Variants in KSR1 observed in about 807,000 individuals in gnomAD.
The protein encoded by KSR1 is kinase suppressor of ras.
In KSR1, 35 loss-of-function variants were observed where a neutral mutation model predicts 92.9. The ratio of observed to expected loss-of-function variants is 0.38; its 90% CI spans 0.29 to 0.50. The LOEUF is 0.50. KSR1 is among the 20% of genes least tolerant of loss of function. KSR1 has a pLI of 0.94. For missense variants in KSR1, 972 were observed against 1,158.5 expected (o/e 0.84, Z 2.34); for synonymous variants, 467 against 472.6 (o/e 0.99, Z 0.15).
Position 27,597,314 on chromosome 17 carries a change from C to A in KSR1, c.1346C>A (p.Ser449Tyr), listed in dbSNP as rs761636252. ...MNHLDSSSNP[S>Y]STTSSTPSSP... ...CACCTGGACTCCAGCAGCAACCCTT[C>A]CTCCACCACCTCCTCCACACCCTCC... Residue 449 changes from serine to tyrosine, a missense_variant, in exon 10 of 21, where the codon TCC becomes TAC. Ser to Tyr is a moderately radical substitution (Grantham distance 144, BLOSUM62 -2). Coordinates refer to ENST00000644974, the MANE Select transcript of KSR1 (RefSeq NM_001394583.1). The A allele has an allele frequency of 6.2e-7, 1 of 1,608,306 alleles. No individual in the cohort carries two copies. Among genetic ancestry groups the A allele is most frequent in the Non-Finnish European group, 8.5e-7 (1 of 1,177,454 alleles).
In KSR1 at chr17:27,609,221, G is replaced by T; in HGVS notation, c.2117G>T (p.Gly706Val). Residue 706 changes from glycine (G) to valine (V), a missense_variant, in exon 16 of 21, where the codon GGC becomes GTC. Around this residue, in one of 5 missense-constraint regions of KSR1, gnomAD observed 260 missense variants for 375.2 expected, o/e 0.69. Coordinates refer to ENST00000644974, the MANE Select transcript of KSR1 (RefSeq NM_001394583.1). ...IKGMGYLHAK[G>V]IVHKDLKSKN... ...GGCATGGGATATCTTCATGCCAAGG[G>T]CATCGTACACAAAGATCTCAAATCT... 1 of 1,613,956 alleles carries T rather than the reference G, an allele frequency of 6.2e-7. No homozygotes were observed. Among genetic ancestry groups the T allele is most frequent in the Non-Finnish European group, 8.5e-7 (1 of 1,179,846 alleles).
Position 27,567,420 on chromosome 17 carries a change from G to A in KSR1, c.373-10072G>A, listed in dbSNP as rs756837422. ...AGCCAGACTGACATAGTGAAACCTC[G>A]TCTCTTTTTTAAAAAAAGTTGTAGT... On this transcript the variant is annotated intron_variant, in intron 2 of 20. Coordinates refer to ENST00000644974, the MANE Select transcript of KSR1 (RefSeq NM_001394583.1). Among the ~76,000 whole-genome samples the A allele has an allele frequency of 5.9e-5, 9 of 152,258 alleles. No individual in the cohort carries two copies. In the South Asian group the frequency reaches 6.2e-4, roughly 11 times the overall value.
At chr17:27,498,661 TTG>T (rs1018485699) in intron 1 of KSR1, among the ~76,000 whole-genome samples, 2 of 152,128 alleles carry the variant, frequency 1.3e-5, no homozygotes, top group African/African-American at 4.8e-5. Flanking sequence ...GTGGCCCAGG[TTG>T]TGAGTCCCAG....
chr17:27,482,575 C>T (rs553597752), intron 1 of KSR1, among the ~76,000 whole-genome samples: 22 of 152,330 alleles, frequency 1.4e-4, no homozygotes, highest in African/African-American at 5.3e-4. Flanking sequence ...AATTACAAAT[C>T]ACCTAAATAT....
Position 27,610,721 on chromosome 17 carries a change from C to T in KSR1, c.2357+523C>T, listed in dbSNP as rs540485560. On this transcript the variant is annotated intron_variant, in intron 17 of 20. Transcript: ENST00000644974. ...TGTTTATGTTTTATATATTATAAAA[C>T]GATATATTTTATTTAACTCAATATA... Among the ~76,000 whole-genome samples, 11 of 152,238 alleles carry T rather than the reference C, an allele frequency of 7.2e-5. No homozygotes were observed. The South Asian group carries it at 1.2e-3, about 17-fold the overall frequency.
chr17:27,526,130 A>G (rs1000016382), intron 1 of KSR1, among the ~76,000 whole-genome samples: 1 of 102,028 alleles, frequency 9.8e-6, no homozygotes. Flanking sequence ...TGGTTCTTGT[A>G]TGAATTCTAA....
At chr17:27,551,763 G>A (rs917121470) in intron 2 of KSR1, among the ~76,000 whole-genome samples, 2 of 152,112 alleles carry the variant, frequency 1.3e-5, no homozygotes, top group Admixed American at 1.3e-4. Context: ...CTGCAGACCC[G>A]CCTGCCTCTC....
At chr17:27,557,187 G>T (rs1012356341) in intron 2 of KSR1, among the ~76,000 whole-genome samples, 1 of 152,192 alleles carries the variant, frequency 6.6e-6, no homozygotes. Context: ...GGATATTAGA[G>T]CTAGACCCCT....
At chr17:27,475,660 T>C (rs2068319555) in intron 1 of KSR1, among the ~76,000 whole-genome samples, 1 of 152,120 alleles carries the variant, frequency 6.6e-6, no homozygotes, top group Non-Finnish European at 1.5e-5. Flanking sequence ...CTTACAGGGG[T>C]GTTCCTCCTG....
At chr17:27,610,249 C>T (rs2073876875) in intron 17 of KSR1, 51 bp downstream of exon 17, 2 of 1,610,444 alleles carry the variant, frequency 1.2e-6, no homozygotes, top group Non-Finnish European at 1.7e-6. Context: ...AACAGAGGGC[C>T]CTGGTGGCCA....
intron 2 of KSR1, chr17:27,566,555 T>C (rs777845512): frequency 2.5e-6 from 1 of 399,124 alleles, no homozygotes; most frequent in Non-Finnish European, 4.4e-6. Context: ...TGAGCCCACC[T>C]GGGCTGGAGG....
At chr17:27,508,300 A>G (rs868005647) in intron 1 of KSR1, among the ~76,000 whole-genome samples, 2 of 152,190 alleles carry the variant, frequency 1.3e-5, no homozygotes, top group Admixed American at 6.5e-5. Context: ...CTGAGCAGTT[A>G]GAATAATGGT....
intron 2 of KSR1, among the ~76,000 whole-genome samples, chr17:27,553,191 G>GT: frequency 6.6e-6 from 1 of 152,212 alleles, no homozygotes; most frequent in East Asian, 1.9e-4. Flanking sequence ...GGCACAGGCA[G>GT]TTGTGAAAGT....
At chr17:27,567,955 C>A (rs962936473) in intron 2 of KSR1, among the ~76,000 whole-genome samples, 4 of 152,206 alleles carry the variant, frequency 2.6e-5, no homozygotes, top group Non-Finnish European at 5.9e-5. Flanking sequence ...TTCTTCCCAT[C>A]CCCTTGAAGA....
At chr17:27,585,631 C>A in intron 4 of KSR1, 26 bp from the exon 5 acceptor site, 1 of 759,626 alleles carries the variant, frequency 1.3e-6, no homozygotes, top group Non-Finnish European at 2.5e-6. Context: ...GACGTAATCC[C>A]CCTCTCTGCT....
intron 13 of KSR1, 22 bp from the exon 14 acceptor site, chr17:27,605,412 G>T: frequency 6.2e-7 from 1 of 1,602,444 alleles, no homozygotes; most frequent in Non-Finnish European, 8.5e-7. Context: ...GCCCATCCCT[G>T]TTCTTCCTGC....
chr17:27,596,087 A>G (rs1441900732), intron 9 of KSR1, among the ~76,000 whole-genome samples: 1 of 152,198 alleles, frequency 6.6e-6, no homozygotes, highest in African/African-American at 2.4e-5. Context: ...ATAACACTTC[A>G]TTTTTATGTA....
chr17:27,580,925 C>T (rs2072727583), intron 3 of KSR1, among the ~76,000 whole-genome samples: 1 of 152,128 alleles, frequency 6.6e-6, no homozygotes, highest in African/African-American at 2.4e-5. Context: ...CACCACCACA[C>T]CTGGTTAATT....
chr17:27,534,248 G>A (rs1013684777), intron 1 of KSR1, among the ~76,000 whole-genome samples: 34 of 152,192 alleles, frequency 2.2e-4, no homozygotes, highest in African/African-American at 7.5e-4. Flanking sequence ...CCTTGTCTAC[G>A]TTTGCCCATT....
Sources: gnomAD v4.1 joint callset for allele counts (sites outside exome capture counted in the v4.1 genomes callset) on GRCh38, gnomAD v4.1.1 for gene constraint, gnomAD v4.1.1 regional missense constraint, MANE v1.5 for transcripts, NCBI Gene and HGNC (gene_info 2026-07-23, HGNC 2026-07-21) for gene names.